DCUN1D4: variants seen among roughly 807,000 people sequenced by gnomAD.
DCUN1D4 encodes defective in cullin neddylation 1 domain containing 4.
A neutral mutation model predicts 47.9 loss-of-function variants in DCUN1D4; 22 were observed. The ratio of observed to expected loss-of-function variants is 0.46; its 90% confidence interval spans 0.33 to 0.66. The LOEUF is 0.66. Ranked by LOEUF, DCUN1D4 falls within the 30% of genes least tolerant of loss-of-function variation. The pLI, the probability that DCUN1D4 is intolerant of heterozygous loss-of-function variation, is 0.02. For synonymous variants in DCUN1D4, 121 were observed against 112.2 expected (o/e 1.08, Z -0.50); for missense variants, 301 against 340.8 (o/e 0.88, Z 0.92).
At chr4:51,866,135 A>AG (rs1174349506) in intron 3 of DCUN1D4, among the ~76,000 whole-genome samples, 1 of 152,190 alleles carries the variant, frequency 6.6e-6, no homozygotes, top group Non-Finnish European at 1.5e-5. Context: ...AGGGGTACTA[A>AG]GGGTCCCTTC....
intron 6 of DCUN1D4, among the ~76,000 whole-genome samples, chr4:51,889,323 G>A (rs1446676914): frequency 6.6e-6 from 1 of 152,160 alleles, no homozygotes; most frequent in Non-Finnish European, 1.5e-5. Context: ...TTCAAGCCTT[G>A]TCTGCATTGA....
intron 9 of DCUN1D4, among the ~76,000 whole-genome samples, chr4:51,912,320 C>T (rs1361068513): frequency 6.6e-6 from 1 of 152,140 alleles, no homozygotes; most frequent in Non-Finnish European, 1.5e-5. Context: ...TTGTGTAATT[C>T]CAGGTGCATC....
intron 7 of DCUN1D4, among the ~76,000 whole-genome samples, chr4:51,898,518 A>T (rs1317866994): frequency 6.6e-6 from 1 of 152,232 alleles, no homozygotes; most frequent in Non-Finnish European, 1.5e-5. Context: ...GTCTCAAAGT[A>T]TCATCCTGTA....
intron 3 of DCUN1D4, among the ~76,000 whole-genome samples, chr4:51,867,824 G>A (rs1365763236): frequency 2.6e-5 from 4 of 152,192 alleles, no homozygotes; most frequent in Admixed American, 1.3e-4. Context: ...GGGATTTACC[G>A]GGGACCCACC....
At chr4:51,885,919 T>A (rs1037229733) in intron 5 of DCUN1D4, among the ~76,000 whole-genome samples, 16 of 152,190 alleles carry the variant, frequency 1.1e-4, no homozygotes, top group Admixed American at 9.2e-4. Flanking sequence ...AAAGACTGAA[T>A]TTGTCTGTTA....
At chr4:51,842,127 A>G (rs1261784911), upstream of DCUN1D4, among the ~76,000 whole-genome samples, 3 of 152,236 alleles carry the variant, frequency 2.0e-5, no homozygotes, top group Non-Finnish European at 4.4e-5. Context: ...ACTTAGGGTC[A>G]GAAGAATTCA....
At chr4:51,895,795 T>A (rs1234641456) in intron 7 of DCUN1D4, among the ~76,000 whole-genome samples, 1 of 152,210 alleles carries the variant, frequency 6.6e-6, no homozygotes, top group Non-Finnish European at 1.5e-5. Context: ...TGCATTTTTT[T>A]GTGTTGGGAA....
At chr4:51,864,423 G>A (rs1370117373) in intron 3 of DCUN1D4, among the ~76,000 whole-genome samples, 1 of 152,190 alleles carries the variant, frequency 6.6e-6, no homozygotes, top group Non-Finnish European at 1.5e-5. Context: ...ACATTTTAAA[G>A]TTTTTGAAAA....
intron 3 of DCUN1D4, among the ~76,000 whole-genome samples, 165 bp from the exon 4 acceptor site, chr4:51,874,106 A>G (rs770329490): frequency 2.6e-5 from 4 of 152,246 alleles, no homozygotes; most frequent in Non-Finnish European, 5.9e-5. Flanking sequence ...TTTCTTGACC[A>G]TAACATTTTT....
At chr4:51,897,044 C>A (rs28540089) in intron 7 of DCUN1D4, among the ~76,000 whole-genome samples, 66,015 of 152,002 alleles carry the variant, frequency 0.43, 17,779 homozygotes, top group African/African-American at 0.76. Context: ...GGGCCTTTGC[C>A]TATGCTGTTC....
chr4:51,839,069 C>T (rs759688487), upstream of DCUN1D4, among the ~76,000 whole-genome samples: 4 of 149,368 alleles, frequency 2.7e-5, no homozygotes, highest in African/African-American at 4.9e-5. Context: ...AGTGAGACTC[C>T]GTCTCAAAAG....
intron 8 of DCUN1D4, among the ~76,000 whole-genome samples, chr4:51,903,498 G>A (rs1732423545): frequency 6.6e-6 from 1 of 152,018 alleles, no homozygotes; most frequent in African/African-American, 2.4e-5. Context: ...TATTTTGGTT[G>A]GGGATTGTTG....
rs554938735 is a variant in DCUN1D4 at position 51,852,998 on chromosome 4, A to C, written c.25+9731A>C. ...GATTCTGTGTGCTTCAGTGGGTAGT[A>C]CAGATCATTTGTGCTCACCTTCAGT... On this transcript the variant is annotated intron_variant, in intron 1 of 10. Coordinates refer to ENST00000334635, the MANE Select transcript of DCUN1D4 (RefSeq NM_001040402.3). 2.0e-5 allele frequency among the ~76,000 whole-genome samples: 3 copies of C among 152,306 alleles called. No individual in the cohort carries two copies. The South Asian group carries it at 6.2e-4, about 32-fold the overall frequency.
intron 4 of DCUN1D4, among the ~76,000 whole-genome samples, chr4:51,875,991 G>T (rs1727613083): frequency 6.6e-6 from 1 of 151,906 alleles, no homozygotes; most frequent in African/African-American, 2.4e-5. Flanking sequence ...AGGTGGTATG[G>T]CTACCTTTTA....
chr4:51,897,573 T>C (rs1464728699), intron 7 of DCUN1D4, among the ~76,000 whole-genome samples: 2 of 151,154 alleles, frequency 1.3e-5, no homozygotes, highest in African/African-American at 4.9e-5. Context: ...CAAAATTAGT[T>C]TGTAAAAATA....
chr4:51,912,800 G>T (rs1172279834), intron 9 of DCUN1D4, among the ~76,000 whole-genome samples: 5 of 152,202 alleles, frequency 3.3e-5, no homozygotes, highest in Non-Finnish European at 7.3e-5. Flanking sequence ...CAAGTAACCT[G>T]CTGCTGCATG....
chr4:51,873,319 T>C (rs1373684939), intron 3 of DCUN1D4, among the ~76,000 whole-genome samples: 1 of 152,232 alleles, frequency 6.6e-6, no homozygotes, highest in Non-Finnish European at 1.5e-5. Flanking sequence ...ATCTTTGCCC[T>C]GCCTGTCATT....
At chr4:51,875,681 C>A (rs1727561952) in intron 4 of DCUN1D4, among the ~76,000 whole-genome samples, 1 of 152,204 alleles carries the variant, frequency 6.6e-6, no homozygotes, top group Non-Finnish European at 1.5e-5. Flanking sequence ...AACCACTAAT[C>A]TACTTTGTCT....
the DCUN1D4 span, among the ~76,000 whole-genome samples, chr4:51,834,114 CT>C: frequency 9.2e-3 from 344 of 37,202 alleles, 26 homozygotes; most frequent in East Asian, 0.03. Context: ...TTTTTTTTTT[CT>C]TTTTTTTTTT....
Sources: gnomAD v4.1 joint callset for allele counts (sites outside exome capture counted in the v4.1 genomes callset) on GRCh38, gnomAD v4.1.1 for gene constraint, MANE v1.5 for transcripts, NCBI Gene and HGNC (gene_info 2026-07-23, HGNC 2026-07-21) for gene names.